The following CTNNA3 variants were observed in gnomAD, a reference collection of about 807,000 sequenced individuals.
CTNNA3 encodes catenin alpha 3.
In CTNNA3, 76 loss-of-function variants were observed where a neutral mutation model predicts 95.7. The observed-to-expected ratio is 0.79, with a 90% CI of 0.66 to 0.96. The LOEUF (loss-of-function observed/expected upper bound fraction) is 0.96. Among genes scored for constraint, CTNNA3 ranks in the 40% least tolerant of loss-of-function variants. The probability of loss-of-function intolerance (pLI) is 0.00; values close to 1 mark genes in which losing one functional copy is unlikely to be tolerated. For missense variants in CTNNA3, 1,191 were observed against 1,089.8 expected (o/e 1.09, Z -1.31); for synonymous variants, 431 against 374.4 (o/e 1.15, Z -1.74).
intron 1 of CTNNA3, among the ~76,000 whole-genome samples, chr10:67,682,158 CAA>C (rs1042799163): frequency 3.5e-4 from 36 of 103,630 alleles, no homozygotes; most frequent in Admixed American, 6.0e-4. Flanking sequence ...AACCCCGTCT[CAA>C]AAAAAAAAAA....
chr10:67,349,265 C>A (rs1247318782), intron 5 of CTNNA3, among the ~76,000 whole-genome samples: 2 of 152,268 alleles, frequency 1.3e-5, no homozygotes, highest in Admixed American at 6.5e-5. Context: ...AGGTTCATTG[C>A]AGCACTATCT....
At chr10:66,955,752 C>T (rs1476526073) in intron 7 of CTNNA3, among the ~76,000 whole-genome samples, 1 of 152,130 alleles carries the variant, frequency 6.6e-6, no homozygotes, top group Non-Finnish European at 1.5e-5. Context: ...TTTGAAAACC[C>T]TAGGTTACAA....
At chr10:66,206,249 C>T (rs888038191) in intron 13 of CTNNA3, among the ~76,000 whole-genome samples, 1 of 151,832 alleles carries the variant, frequency 6.6e-6, no homozygotes, top group Non-Finnish European at 1.5e-5. Context: ...AAATATAACA[C>T]CAACTTAGTC....
intron 2 of CTNNA3, among the ~76,000 whole-genome samples, chr10:67,629,440 C>T (rs932867763): frequency 7.2e-5 from 11 of 152,128 alleles, no homozygotes; most frequent in African/African-American, 1.4e-4. Context: ...CTGGAATACA[C>T]GGCAGATACG....
At chr10:67,126,706 T>C (rs776869997) in intron 7 of CTNNA3, among the ~76,000 whole-genome samples, 6 of 152,234 alleles carry the variant, frequency 3.9e-5, no homozygotes, top group East Asian at 1.9e-4. Flanking sequence ...GGTTAAGAGA[T>C]AGGTGGTGGT....
intron 5 of CTNNA3, chr10:67,346,765 AT>A (rs756537007): frequency 4.1e-6 from 2 of 482,446 alleles, no homozygotes; most frequent in South Asian, 3.0e-5. Flanking sequence ...TTCCTGAAGA[AT>A]TTCTGTGAAG....
intron 7 of CTNNA3, among the ~76,000 whole-genome samples, chr10:66,885,235 T>A (rs1003409082): frequency 1.3e-5 from 2 of 152,184 alleles, no homozygotes; most frequent in African/African-American, 4.8e-5. Flanking sequence ...TAGTCTTATT[T>A]GGACATATGA....
rs976777531 is a variant in CTNNA3, at chr10:67,542,226, G to A, written c.293-2557C>T. Among the ~76,000 whole-genome samples the A allele has an allele frequency of 3.3e-5, 5 of 151,974 alleles. No homozygotes were observed. The South Asian group carries it at 8.3e-4, about 25-fold the overall frequency. ...TCAGCTGGTTTCAGCCCACACTCTG[G>A]TCCTAAGTTAAACATCACTTCCTAT... On this transcript the variant is annotated intron_variant, in intron 3 of 17. Transcript: ENST00000433211.
At chr10:67,072,110 G>T (rs1211182591) in intron 7 of CTNNA3, among the ~76,000 whole-genome samples, 1 of 152,032 alleles carries the variant, frequency 6.6e-6, no homozygotes, top group African/African-American at 2.4e-5. Context: ...GCACCACCAA[G>T]CCCAGCTAAT....
chr10:67,231,705 C>T (rs977434137), intron 5 of CTNNA3, among the ~76,000 whole-genome samples: 1 of 151,980 alleles, frequency 6.6e-6, no homozygotes, highest in African/African-American at 2.4e-5. Flanking sequence ...AGACGATCAA[C>T]TTACTCCGAG....
At chr10:66,137,775 C>T (rs111411830) in intron 13 of CTNNA3, among the ~76,000 whole-genome samples, 15 of 151,882 alleles carry the variant, frequency 9.9e-5, no homozygotes, top group Non-Finnish European at 1.5e-4. Context: ...GGCAAAATCC[C>T]GACTCAACAA....
At chr10:65,993,749 T>TA (rs1437856951) in intron 15 of CTNNA3, among the ~76,000 whole-genome samples, 4 of 152,150 alleles carry the variant, frequency 2.6e-5, no homozygotes, top group Non-Finnish European at 2.9e-5. Context: ...TCTATATATA[T>TA]TTTTTAGATG....
At chr10:66,631,616 T>G (rs941266888) in intron 9 of CTNNA3, among the ~76,000 whole-genome samples, 1 of 152,104 alleles carries the variant, frequency 6.6e-6, no homozygotes, top group African/African-American at 2.4e-5. Context: ...AATCTATGAA[T>G]AGGAAGAATA....
At chr10:67,061,527 G>A (rs771091979) in intron 7 of CTNNA3, among the ~76,000 whole-genome samples, 12 of 152,044 alleles carry the variant, frequency 7.9e-5, no homozygotes, top group Non-Finnish European at 1.8e-4. Flanking sequence ...AGTGGAGGCT[G>A]CACTTCCCTT....
intron 11 of CTNNA3, among the ~76,000 whole-genome samples, chr10:66,385,146 C>A (rs2092878810): frequency 6.6e-6 from 1 of 152,198 alleles, no homozygotes; most frequent in South Asian, 2.1e-4. Flanking sequence ...ATCAATGAAT[C>A]CAGGAGCTGG....
rs1460976033 is a variant in CTNNA3, at chr10:66,845,719, A to ATAAATAAATAAATAAATAAGT, written c.1048-70196_1048-70195insACTTATTTATTTATTTATTTA. Among the ~76,000 whole-genome samples the ATAAATAAATAAATAAATAAGT allele has an allele frequency of 1.1e-4, 8 of 73,226 alleles. 1 individual carries two copies. Among genetic ancestry groups the ATAAATAAATAAATAAATAAGT allele is most frequent in the African/African-American group, 2.9e-4 (7 of 24,080 alleles). 48.0% of individuals were successfully genotyped at this position (73,226 alleles called of 152,430 possible). ...ACTCTGTCTCAAAAAAAAAAAAAAA[A>ATAAATAAATAAATAAATAAGT]AAAAAAAAAACTAAAAAGGTGAGAT... On this transcript the variant is annotated intron_variant, in intron 7 of 17. Transcript: ENST00000433211.
chr10:66,534,220 T>C (rs1047616757), intron 10 of CTNNA3, among the ~76,000 whole-genome samples: 17 of 152,096 alleles, frequency 1.1e-4, no homozygotes, highest in African/African-American at 4.1e-4. Flanking sequence ...ATTACTTGGT[T>C]AGCTAGAGGT....
At chr10:67,602,088 T>C (rs1025958522) in intron 3 of CTNNA3, among the ~76,000 whole-genome samples, 1 of 152,072 alleles carries the variant, frequency 6.6e-6, no homozygotes, top group Non-Finnish European at 1.5e-5. Flanking sequence ...AAATATATAA[T>C]AAAGCTATCT....
At chr10:66,201,783 CTTTTTTT>C (rs1236010501) in intron 13 of CTNNA3, among the ~76,000 whole-genome samples, 129 of 79,382 alleles carry the variant, frequency 1.6e-3, no homozygotes, top group African/African-American at 5.1e-3. Flanking sequence ...TTTACTTTTT[CTTTTTTT>C]TTTTTTTTTT....
Sources: gnomAD v4.1 joint callset for allele counts (sites outside exome capture counted in the v4.1 genomes callset) on GRCh38, gnomAD v4.1.1 for gene constraint, MANE v1.5 for transcripts, NCBI Gene and HGNC (gene_info 2026-07-23, HGNC 2026-07-21) for gene names.